The following WFDC3 variants were observed in gnomAD, a reference collection of about 807,000 sequenced individuals.
WFDC3 encodes the protein WAP four-disulfide core domain 3.
In WFDC3, 15 loss-of-function variants were observed where a neutral mutation model predicts 25.8. The ratio of observed to expected loss-of-function variants is 0.58; its 90% CI spans 0.39 to 0.89. The LOEUF is 0.89. Among genes scored for constraint, WFDC3 ranks in the 40% least tolerant of loss-of-function variants. The probability of loss-of-function intolerance (pLI) is 0.00; values close to 1 mark genes in which losing one functional copy is unlikely to be tolerated. For synonymous variants in WFDC3, 103 were observed against 107.1 expected (o/e 0.96, Z 0.24); for missense variants, 264 against 289.8 (o/e 0.91, Z 0.65).
At chr20:45,778,256 T>C (rs928861407) in intron 4 of WFDC3, among the ~76,000 whole-genome samples, 1 of 152,206 alleles carries the variant, frequency 6.6e-6, no homozygotes, top group African/African-American at 2.4e-5. Context: ...GTGGCTCCAG[T>C]TGAGCTCCCT....
At position 45,774,440 on chromosome 20, in the gene WFDC3, G is replaced by C. The variant is rs771591027; in HGVS notation, c.684C>G (p.Ile228Met). Residue 228 changes from isoleucine to methionine, a missense_variant, in exon 7 of 7, where the codon ATC becomes ATG. Transcript: ENST00000243938. Reference sequence around the variant, plus strand: ...CAAATCAGCACAGCTAGGGCACCGGGATCTCTGCAAGTAGAAGAAACATCA... The same window carrying C: ...CAAATCAGCACAGCTAGGGCACCGGCATCTCTGCAAGTAGAAGAAACATCA... ...WTVRSDSELE[I>M]PVP 1 of 1,613,962 alleles carries C rather than the reference G, an allele frequency of 6.2e-7. No individual in the cohort carries two copies. The highest frequency in any genetic ancestry group is 8.5e-7 in the Non-Finnish European group (1 of 1,180,008).
intron 2 of WFDC3, 106 bp from the exon 3 acceptor site, chr20:45,789,165 C>T (rs922900811): frequency 2.5e-5 from 36 of 1,457,600 alleles, no homozygotes; most frequent in Non-Finnish European, 3.3e-5. Context: ...TTCTGCACCA[C>T]TGCACTCTAG....
intron 6 of WFDC3, 58 bp from the exon 7 acceptor site, chr20:45,774,502 A>G: frequency 6.2e-7 from 1 of 1,613,408 alleles, no homozygotes; most frequent in Non-Finnish European, 8.5e-7. Context: ...AGCTACCTGA[A>G]ATGTTTTCCC....
chr20:45,776,631 AAAAAATAT>A (rs1568697409), intron 5 of WFDC3, among the ~76,000 whole-genome samples: 251 of 69,252 alleles, frequency 3.6e-3, no homozygotes, highest in African/African-American at 6.9e-3. Context: ...AGAAAAAAAA[AAAAAATAT>A]ATATATATAT....
chr20:45,789,357 T>C, intron 2 of WFDC3, among the ~76,000 whole-genome samples: 1 of 151,680 alleles, frequency 6.6e-6, no homozygotes, highest in East Asian at 1.9e-4. Flanking sequence ...ATACAAAAAA[T>C]TAGCTGGGCG....
At chr20:45,786,716 T>C (rs555025061) in intron 4 of WFDC3, among the ~76,000 whole-genome samples, 12 of 152,238 alleles carry the variant, frequency 7.9e-5, no homozygotes, top group African/African-American at 2.4e-4. Flanking sequence ...CTCTTTCAAA[T>C]ACCTCTCTAC....
intron 1 of WFDC3, chr20:45,790,924 A>G (rs1302418976): frequency 2.8e-5 from 13 of 471,074 alleles, no homozygotes; most frequent in East Asian, 2.1e-4. Context: ...GTCTGCCCAC[A>G]TATACCTCCT....
At chr20:45,775,280 GT>G (rs1390002826) in intron 6 of WFDC3, 136 bp downstream of exon 6, 1 of 1,239,360 alleles carries the variant, frequency 8.1e-7, no homozygotes, top group Non-Finnish European at 1.1e-6. Flanking sequence ...TTGTATGAGG[GT>G]TTTCATCTGG....
At chr20:45,788,901 GC>G in intron 3 of WFDC3, 29 bp downstream of exon 3, 1 of 1,591,784 alleles carries the variant, frequency 6.3e-7, no homozygotes, top group Non-Finnish European at 8.5e-7. Flanking sequence ...CAGAGAGTAT[GC>G]CCAGATTTTG....
intron 4 of WFDC3, among the ~76,000 whole-genome samples, chr20:45,781,392 G>C (rs1216625996): frequency 6.6e-6 from 1 of 152,210 alleles, no homozygotes; most frequent in Non-Finnish European, 1.5e-5. Flanking sequence ...AGTTTTAGAG[G>C]TTAGGAAAAG....
intron 5 of WFDC3, among the ~76,000 whole-genome samples, chr20:45,776,318 G>GTGTGTGTGTGTGTGCGTGTGTA (rs58644271): frequency 7.2e-6 from 1 of 139,790 alleles, no homozygotes; most frequent in Non-Finnish European, 1.6e-5. Flanking sequence ...GTGTGTGTGT[G>GTGTGTGTGTGTGTGCGTGTGTA]TGTTTCCAGC....
intron 4 of WFDC3, among the ~76,000 whole-genome samples, chr20:45,778,285 T>C (rs1419175741): frequency 6.6e-6 from 1 of 152,302 alleles, no homozygotes; most frequent in East Asian, 1.9e-4. Flanking sequence ...CCCAGATGAA[T>C]GCAGCTAAAT....
At chr20:45,780,025 G>T (rs1980367548) in intron 4 of WFDC3, 1 of 146,370 alleles carries the variant, frequency 6.8e-6, no homozygotes, top group African/African-American at 2.5e-5. Flanking sequence ...CTCCAAGCCA[G>T]ATTATGCTAT....
intron 6 of WFDC3, among the ~76,000 whole-genome samples, chr20:45,774,674 G>A (rs1980051333): frequency 6.6e-6 from 1 of 152,210 alleles, no homozygotes; most frequent in South Asian, 2.1e-4. Flanking sequence ...GGGCACAGTG[G>A]CTCATGCCTG....
intron 4 of WFDC3, among the ~76,000 whole-genome samples, chr20:45,777,514 CTTAT>C (rs997732859): frequency 2.0e-5 from 3 of 151,482 alleles, no homozygotes; most frequent in Admixed American, 6.6e-5. Context: ...TCATGCCTGG[CTTAT>C]TTATTTATTT....
At chr20:45,788,659 C>T (rs1319127086) in intron 3 of WFDC3, 6 of 340,596 alleles carry the variant, frequency 1.8e-5, no homozygotes, top group Non-Finnish European at 3.2e-5. Context: ...ACAGCCTTCC[C>T]TTTACAACTC....
chr20:45,784,855 C>T (rs188119559), intron 4 of WFDC3, among the ~76,000 whole-genome samples: 4 of 152,320 alleles, frequency 2.6e-5, no homozygotes, highest in African/African-American at 4.8e-5. Context: ...AACAAGCCTT[C>T]GAGGTTTATT....
intron 5 of WFDC3, 81 bp downstream of exon 5, chr20:45,776,994 C>A (rs1305102806): frequency 6.2e-7 from 1 of 1,603,970 alleles, no homozygotes; most frequent in Non-Finnish European, 8.5e-7. Context: ...GGATGAGAAT[C>A]CTAGCTCCTC....
Position 45,789,059 on chromosome 20 carries a change from G to C in WFDC3, c.83C>G (p.Ala28Gly), listed in dbSNP as rs1194436070. The C allele has an allele frequency of 6.2e-7, 1 of 1,612,220 alleles. No homozygotes were observed. Among genetic ancestry groups the C allele is most frequent in the Non-Finnish European group, 8.5e-7 (1 of 1,179,538 alleles). ...LESWITAGEH[A>G]KEGECPPHKN... ...ATGGGGAGGGCATTCTCCCTCTTTT[G>C]CTGCAAAAGATACTATTTGAGTTTG... Residue 28 changes from alanine (A) to glycine (G), a missense_variant and splice_region_variant, in exon 3 of 7, where the codon GCA becomes GGA. Coordinates refer to ENST00000243938, the MANE Select transcript of WFDC3 (RefSeq NM_080614.2).
Sources: gnomAD v4.1 joint callset for allele counts (sites outside exome capture counted in the v4.1 genomes callset) on GRCh38, gnomAD v4.1.1 for gene constraint, MANE v1.5 for transcripts, NCBI Gene and HGNC (gene_info 2026-07-23, HGNC 2026-07-21) for gene names.